CUX1: variants seen among roughly 807,000 people sequenced by gnomAD.
CUX1 encodes protein CASP.
Under a neutral mutation model 158.8 loss-of-function variants are expected in CUX1, and 31 were observed. The ratio of observed to expected loss-of-function variants is 0.20; its 90% CI spans 0.15 to 0.26. The LOEUF is 0.26. CUX1 is among the 10% of genes least tolerant of loss of function. The pLI, the probability that CUX1 is intolerant of heterozygous loss-of-function variation, is 1.00. For missense variants in CUX1, 1,589 were observed against 2,014.6 expected, an observed-to-expected ratio of 0.79 and a Z score of 4.04; for synonymous variants, 879 against 862.1, an observed-to-expected ratio of 1.02 and a Z score of -0.34.
intron 1 of CUX1, among the ~76,000 whole-genome samples, chr7:101,889,805 C>G (rs1017433150): frequency 7.9e-5 from 12 of 152,142 alleles, no homozygotes; most frequent in African/African-American, 2.9e-4. Flanking sequence ...ACATCTGGTG[C>G]AGGTAAAGTG....
chr7:102,152,468 G>C (rs1835796364), intron 8 of CUX1, among the ~76,000 whole-genome samples: 1 of 152,136 alleles, frequency 6.6e-6, no homozygotes, highest in Non-Finnish European at 1.5e-5. Context: ...ACCTAGGCTG[G>C]AGTGTAGTAG....
intron 2 of CUX1, among the ~76,000 whole-genome samples, chr7:101,978,049 C>T (rs1170569777): frequency 3.3e-5 from 5 of 151,780 alleles, no homozygotes; most frequent in Admixed American, 2.0e-4. Context: ...GGTCCCCACT[C>T]GCGCCCTGCA....
chr7:102,129,979 C>T (rs894947360), intron 8 of CUX1, among the ~76,000 whole-genome samples: 2 of 152,136 alleles, frequency 1.3e-5, no homozygotes, highest in Admixed American at 1.3e-4. Context: ...TTGGAACCCA[C>T]CTCAAAGAAT....
rs1234947392 is a variant in CUX1 at position 101,869,548 on chromosome 7, C to G, written c.31-46567C>G. On this transcript the variant is annotated intron_variant, in intron 1 of 23. Coordinates refer to ENST00000292535, the MANE Select transcript of CUX1 (RefSeq NM_181552.4). The surrounding 1 kb of genome is among the most constrained non-coding windows in gnomAD (Gnocchi z 4.5). ...GGGTGAGCACAGCATTTGCGGGGCGCGGGAAGGGAGTGGCTGGTGGGGCGG... is the reference window on the plus strand; with the variant it reads ...GGGTGAGCACAGCATTTGCGGGGCGGGGGAAGGGAGTGGCTGGTGGGGCGG... Among the ~76,000 whole-genome samples the G allele has an allele frequency of 3.1e-5, 4 of 129,478 alleles. No individual in the cohort carries two copies. Among genetic ancestry groups the G allele is most frequent in the Non-Finnish European group, 6.5e-5 (4 of 61,174 alleles). The allele number at this position is 129,478 out of a possible 152,430, so 84.9% of individuals were successfully genotyped here. A position where few individuals can be genotyped will look rare whatever the true frequency, so the allele number is the denominator to read the frequency against.
intron 8 of CUX1, among the ~76,000 whole-genome samples, chr7:102,122,576 A>G (rs1366649546): frequency 6.6e-6 from 1 of 152,020 alleles, no homozygotes; most frequent in Non-Finnish European, 1.5e-5. Flanking sequence ...GAATAGTACA[A>G]CCATGACCTG....
chr7:101,936,043 G>C (rs1394879540), intron 2 of CUX1, among the ~76,000 whole-genome samples: 1 of 152,186 alleles, frequency 6.6e-6, no homozygotes, highest in Non-Finnish European at 1.5e-5. Context: ...GTGCCAGGCA[G>C]TTGCAGGCCC....
At chr7:102,277,921 A>T (rs782136609) in intron 17 of CUX1, 1 of 541,564 alleles carries the variant, frequency 1.8e-6, no homozygotes. Context: ...CCTCTCCCCC[A>T]CCCCTTTCCT....
Position 101,869,760 on chromosome 7 carries a change from C to G in CUX1, c.31-46355C>G, listed in dbSNP as rs575619944. ...GGCTGCAGAGGAAGCGCAGGGGAGG[C>G]GCAGGGGAGGCCAGGCTCTGGCATT... On this transcript the variant is annotated intron_variant, in intron 1 of 23. Coordinates refer to ENST00000292535, the MANE Select transcript of CUX1 (RefSeq NM_181552.4). This position sits in a 1 kb window ranked among gnomAD's most constrained non-coding sequence, Gnocchi z 4.5. Among the ~76,000 whole-genome samples, 2 of 152,136 alleles carry G rather than the reference C, an allele frequency of 1.3e-5. No homozygotes were observed. The highest frequency in any genetic ancestry group is 2.9e-5 in the Non-Finnish European group (2 of 68,016).
intron 2 of CUX1, among the ~76,000 whole-genome samples, chr7:101,945,199 C>A (rs1276561291): frequency 6.6e-6 from 1 of 152,050 alleles, no homozygotes; most frequent in Non-Finnish European, 1.5e-5. Context: ...CAGGGCAGAG[C>A]CATGAGGGCC....
intron 1 of CUX1, among the ~76,000 whole-genome samples, chr7:101,900,347 T>C (rs1211543820): frequency 6.6e-6 from 1 of 152,220 alleles, no homozygotes; most frequent in Non-Finnish European, 1.5e-5. Context: ...AGCGAAGGAA[T>C]CACTTGCGAC....
intron 14 of CUX1, among the ~76,000 whole-genome samples, chr7:102,269,567 G>T (rs943954688): frequency 7.3e-6 from 1 of 137,318 alleles, no homozygotes; most frequent in Non-Finnish European, 1.5e-5. Flanking sequence ...CACCATGCCC[G>T]GCTAATTTTT....
chr7:102,245,088 G>A (rs1800663734), intron 23 of CUX1, among the ~76,000 whole-genome samples: 1 of 152,194 alleles, frequency 6.6e-6, no homozygotes, highest in African/African-American at 2.4e-5. Flanking sequence ...TGTCGCCGAG[G>A]CTGGAGTGCA....
At chr7:102,037,156 C>G (rs1165162926) in intron 3 of CUX1, among the ~76,000 whole-genome samples, 1 of 152,034 alleles carries the variant, frequency 6.6e-6, no homozygotes, top group Non-Finnish European at 1.5e-5. Flanking sequence ...TCGCGTGCCA[C>G]TGCACTACAG....
At chr7:102,070,927 C>T (rs1826053577) in intron 4 of CUX1, among the ~76,000 whole-genome samples, 1 of 58,150 alleles carries the variant, frequency 1.7e-5, no homozygotes, top group Admixed American at 1.9e-4. Context: ...CCAAGTATAT[C>T]AGTTGTTTCT....
At chr7:101,999,304 C>A (rs1253717634) in intron 2 of CUX1, among the ~76,000 whole-genome samples, 2 of 145,114 alleles carry the variant, frequency 1.4e-5, no homozygotes, top group Non-Finnish European at 3.0e-5. Context: ...GATCCTCCTG[C>A]CTCAGCCTCC....
At chr7:102,178,852 TG>T (rs1792697504) in intron 11 of CUX1, among the ~76,000 whole-genome samples, 195 bp downstream of exon 11, 1 of 152,260 alleles carries the variant, frequency 6.6e-6, no homozygotes, top group South Asian at 2.1e-4. Context: ...CATCAGCCCT[TG>T]TGTAAACAGC....
At chr7:102,113,514 C>T (rs1831147577) in intron 7 of CUX1, among the ~76,000 whole-genome samples, 1 of 152,128 alleles carries the variant, frequency 6.6e-6, no homozygotes, top group Non-Finnish European at 1.5e-5. Flanking sequence ...CCTCAGCCTC[C>T]GAAAGTGCTA....
chr7:102,127,071 G>A (rs1301443721), intron 8 of CUX1, among the ~76,000 whole-genome samples: 1 of 152,226 alleles, frequency 6.6e-6, no homozygotes, highest in Non-Finnish European at 1.5e-5. Flanking sequence ...AGTCATGAGA[G>A]CAATGGGGAG....
At chr7:102,055,993 T>G (rs1824080770) in intron 3 of CUX1, among the ~76,000 whole-genome samples, 1 of 152,230 alleles carries the variant, frequency 6.6e-6, no homozygotes, top group Non-Finnish European at 1.5e-5. Flanking sequence ...CAAAGTCTAA[T>G]TCTCTTAATT....
Sources: allele counts gnomAD v4.1 joint callset (sites outside exome capture counted in the v4.1 genomes callset), GRCh38; gene constraint gnomAD v4.1.1; non-coding constraint Gnocchi (gnomAD v3.1); transcripts MANE v1.5; gene names NCBI Gene and HGNC (gene_info 2026-07-23, HGNC 2026-07-21).